NIBAN1: variants seen among roughly 807,000 people sequenced by gnomAD.
NIBAN1 encodes protein Niban 1.
A neutral mutation model predicts 75.1 loss-of-function variants in NIBAN1; 81 were observed. The ratio of observed to expected loss-of-function variants is 1.08; its 90% confidence interval spans 0.90 to 1.30. The LOEUF (loss-of-function observed/expected upper bound fraction) is 1.30. Among genes scored for constraint, NIBAN1 ranks in the 50% most tolerant of loss-of-function variants. The pLI is 0.00. For missense variants in NIBAN1, 1,133 were observed against 1,128.1 expected (o/e 1.00, Z -0.06); for synonymous variants, 436 against 424.8 (o/e 1.03, Z -0.32).
rs7360 is a variant in NIBAN1, at chr1:184,791,299, C to T, written c.*3678G>A. On this transcript the variant is annotated 3_prime_UTR_variant, in exon 14 of 14. Coordinates refer to ENST00000367511, the MANE Select transcript of NIBAN1 (RefSeq NM_052966.4). ...CCTTCCCTTCTTCACATCAAAATTG[C>T]TATGAATCACATATCACTTAACCTT... 106,277 of 210,960 alleles carry T rather than the reference C, an allele frequency of 0.5. 28,066 individuals carry two copies. The highest frequency in any genetic ancestry group is 0.68 in the African/African-American group (28,922 of 42,614). 13.1% of individuals were successfully genotyped at this position (210,960 alleles called of 1,614,324 possible). A position where few individuals can be genotyped will look rare whatever the true frequency, so the allele number is the denominator to read the frequency against.
intron 13 of NIBAN1, among the ~76,000 whole-genome samples, chr1:184,796,656 A>ACAACAG (rs1653879857): frequency 6.6e-6 from 1 of 152,150 alleles, no homozygotes; most frequent in Non-Finnish European, 1.5e-5. Context: ...AACAACAACA[A>ACAACAG]CAACAGCAGG....
At chr1:184,927,824 C>T (rs1320234876) in intron 1 of NIBAN1, among the ~76,000 whole-genome samples, 3 of 151,946 alleles carry the variant, frequency 2.0e-5, no homozygotes, top group Non-Finnish European at 4.4e-5. Flanking sequence ...TAGGAATCTA[C>T]CTGGTGCTCT....
chr1:184,918,901 C>T (rs893655642), intron 1 of NIBAN1, among the ~76,000 whole-genome samples: 6 of 152,160 alleles, frequency 3.9e-5, no homozygotes, highest in Non-Finnish European at 8.8e-5. Flanking sequence ...TTTCCCTGTC[C>T]ACCCTCCCAA....
In NIBAN1 at chr1:184,896,783, C is replaced by A. The variant is rs997037093; in HGVS notation, c.186+2396G>T. Among the ~76,000 whole-genome samples the A allele has an allele frequency of 6.6e-5, 10 of 152,030 alleles. No individual in the cohort carries two copies. In the East Asian group the frequency reaches 1.9e-3, roughly 29 times the overall value. ...TATGACTAGCCAGTTTTCTCAGCAC[C>A]TTTTATTGAATGGGGTATCCTTTCT... On this transcript the variant is annotated intron_variant, in intron 2 of 13. Transcript: ENST00000367511.
chr1:184,799,075 G>T (rs183062823), intron 12 of NIBAN1, among the ~76,000 whole-genome samples: 9 of 151,664 alleles, frequency 5.9e-5, no homozygotes, highest in Middle Eastern at 3.4e-3. Flanking sequence ...AAGTTTTAGG[G>T]TACATGTGCA....
intron 1 of NIBAN1, among the ~76,000 whole-genome samples, chr1:184,932,000 T>C (rs1052193065): frequency 1.3e-5 from 2 of 152,242 alleles, no homozygotes; most frequent in African/African-American, 4.8e-5. Flanking sequence ...TATTTCTGAA[T>C]ATTAGTGTTA....
intron 4 of NIBAN1, among the ~76,000 whole-genome samples, chr1:184,889,803 A>G (rs1282320956): frequency 6.6e-6 from 1 of 152,226 alleles, no homozygotes; most frequent in Non-Finnish European, 1.5e-5. Flanking sequence ...CACATCTTCC[A>G]CTTGTCTATG....
intron 5 of NIBAN1, among the ~76,000 whole-genome samples, chr1:184,871,265 T>C (rs944422477): frequency 7.6e-5 from 11 of 145,650 alleles, no homozygotes; most frequent in Non-Finnish European, 1.2e-4. Context: ...GAGAATCACT[T>C]GAACCTGGGA....
At chr1:184,830,273 C>T (rs961241116) in intron 6 of NIBAN1, among the ~76,000 whole-genome samples, 4 of 152,246 alleles carry the variant, frequency 2.6e-5, no homozygotes, top group African/African-American at 9.6e-5. Context: ...TATCTATTAA[C>T]TATGTTGGCT....
intron 12 of NIBAN1, among the ~76,000 whole-genome samples, chr1:184,798,925 A>C (rs1653953008): frequency 6.6e-6 from 1 of 152,052 alleles, no homozygotes; most frequent in Non-Finnish European, 1.5e-5. Context: ...ATTCCTTTTT[A>C]TTGTTAAGTA....
chr1:184,892,313 G>A (rs1415586329), intron 3 of NIBAN1, among the ~76,000 whole-genome samples: 1 of 152,078 alleles, frequency 6.6e-6, no homozygotes, highest in Admixed American at 6.6e-5. Context: ...TGAGAAAACT[G>A]AGGCTCAAGA....
At chr1:184,932,094 T>C (rs1470752948) in intron 1 of NIBAN1, among the ~76,000 whole-genome samples, 3 of 152,288 alleles carry the variant, frequency 2.0e-5, no homozygotes, top group Admixed American at 2.0e-4. Context: ...GCTGTAAAAA[T>C]GTTCCTTGAG....
intron 9 of NIBAN1, 146 bp from the exon 10 acceptor site, chr1:184,808,381 C>A: frequency 2.5e-6 from 2 of 802,080 alleles, no homozygotes; most frequent in Non-Finnish European, 3.8e-6. Context: ...GTGACACCTT[C>A]AACTGTCTTA....
At chr1:184,953,181 G>A (rs949347565) in intron 1 of NIBAN1, among the ~76,000 whole-genome samples, 5 of 152,110 alleles carry the variant, frequency 3.3e-5, no homozygotes, top group Admixed American at 1.3e-4. Flanking sequence ...AACAGCCTTC[G>A]GAGGTACTAT....
At chr1:184,851,849 T>G (rs1274834649) in intron 5 of NIBAN1, among the ~76,000 whole-genome samples, 2 of 152,092 alleles carry the variant, frequency 1.3e-5, no homozygotes, top group Non-Finnish European at 2.9e-5. Flanking sequence ...ACTTTTTTTT[T>G]TTTTTTAACT....
In NIBAN1 at chr1:184,974,307, A is replaced by G; in HGVS notation, c.50T>C (p.Ile17Thr). 1 of 1,564,436 alleles carries G rather than the reference A, an allele frequency of 6.4e-7. No homozygotes were observed. The highest frequency in any genetic ancestry group is 8.6e-7 in the Non-Finnish European group (1 of 1,162,416). Residue 17 changes from isoleucine (I) to threonine (T), a missense_variant, in exon 1 of 14, where the codon ATC (isoleucine) becomes ACC (threonine). Physicochemically the swap from Ile to Thr is moderately conservative, Grantham distance 89. Transcript: ENST00000367511. ...CCCCGGGCGGGCGGGCGTACCTCGGATGTAAGCGCACTTGCCCTCGTCCAG... is the reference window on the plus strand; with the variant it reads ...CCCCGGGCGGGCGGGCGTACCTCGGGTGTAAGCGCACTTGCCCTCGTCCAG... ...SQLDEGKCAY[I>T]RGKTEAAIKN...
chr1:184,817,578 G>C (rs1042405940), intron 9 of NIBAN1, among the ~76,000 whole-genome samples: 7 of 152,204 alleles, frequency 4.6e-5, no homozygotes, highest in African/African-American at 1.7e-4. Flanking sequence ...ACTGGCATGA[G>C]GTGATATCTC....
intron 1 of NIBAN1, among the ~76,000 whole-genome samples, chr1:184,905,172 G>T (rs543654955): frequency 2.6e-4 from 40 of 152,166 alleles, no homozygotes; most frequent in African/African-American, 8.7e-4. Context: ...GGGCTGATGG[G>T]GCAGAACAGG....
At position 184,804,784 on chromosome 1, in the gene NIBAN1, G is replaced by A. The variant is rs574165290; in HGVS notation, c.1447-1092C>T. Among the ~76,000 whole-genome samples the A allele has an allele frequency of 3.8e-3, 470 of 123,818 alleles. 2 individuals are homozygous for A. The highest frequency in any genetic ancestry group is 6.5e-3 in the Admixed American group (81 of 12,418). 81.2% of individuals were successfully genotyped at this position (123,818 alleles called of 152,430 possible). On this transcript the variant is annotated intron_variant, in intron 11 of 13. Coordinates refer to ENST00000367511, the MANE Select transcript of NIBAN1 (RefSeq NM_052966.4). ...GAGCAATATTGGTGTTTTTTTTTTT[G>A]TTTTTTTGTTTTTTGTTTTTTGAGA...
Sources: allele counts gnomAD v4.1 joint callset (sites outside exome capture counted in the v4.1 genomes callset), GRCh38; gene constraint gnomAD v4.1.1; transcripts MANE v1.5; gene names NCBI Gene and HGNC (gene_info 2026-07-23, HGNC 2026-07-21).